Variants in ADD1 observed in about 807,000 individuals in gnomAD.
ADD1 encodes the protein alpha-adducin.
In ADD1, 24 loss-of-function variants were observed where a neutral mutation model predicts 80.5. The ratio of observed to expected loss-of-function variants is 0.30; its 90% confidence interval spans 0.22 to 0.42. The LOEUF is 0.42. Among genes scored for constraint, ADD1 ranks in the 10% least tolerant of loss-of-function variants. The pLI is 1.00. For synonymous variants in ADD1, 373 were observed against 393.8 expected, an observed-to-expected ratio of 0.95 and a Z score of 0.63; for missense variants, 948 against 1,019.0, an observed-to-expected ratio of 0.93 and a Z score of 0.95.
intron 1 of ADD1, among the ~76,000 whole-genome samples, chr4:2,845,373 C>T (rs539828792): frequency 2.6e-5 from 4 of 152,050 alleles, no homozygotes; most frequent in Non-Finnish European, 5.9e-5. Flanking sequence ...GCCTGGCCTA[C>T]GTTAAAATTT....
intron 1 of ADD1, among the ~76,000 whole-genome samples, chr4:2,856,673 C>CCT (rs1728124948): frequency 6.7e-6 from 1 of 148,438 alleles, no homozygotes; most frequent in African/African-American, 2.5e-5. Context: ...CTCACTGCAA[C>CCT]CTCCACCTCC....
intron 1 of ADD1, among the ~76,000 whole-genome samples, chr4:2,852,592 A>G (rs188013878): frequency 6.6e-6 from 1 of 151,456 alleles, no homozygotes; most frequent in Admixed American, 6.6e-5. Context: ...TACTTTGACA[A>G]CAGAATCACC....
At chr4:2,906,891 G>A (rs1019183445) in intron 10 of ADD1, among the ~76,000 whole-genome samples, 3 of 151,924 alleles carry the variant, frequency 2.0e-5, no homozygotes, top group East Asian at 1.9e-4. Flanking sequence ...ATTGCCTCTC[G>A]AAAGTATTCT....
intron 4 of ADD1, among the ~76,000 whole-genome samples, chr4:2,892,085 A>G (rs1734385010): frequency 6.6e-6 from 1 of 152,162 alleles, no homozygotes; most frequent in Admixed American, 6.6e-5. Flanking sequence ...TCTTTCCTGA[A>G]TGAATAAATG....
In ADD1 at chr4:2,882,050, C is replaced by G. The variant is rs758495974; in HGVS notation, c.348C>G (p.Ala116=). Residue 116 remains alanine (A), a synonymous_variant, in exon 3 of 16, where the codon GCC becomes GCG. Transcript: ENST00000683351. ...YPAAPQGGMA[A]LNMSLGMVTP... is the part of the protein sequence containing the mutation. Reference sequence around the variant, plus strand: ...CAGCTCCGCAAGGAGGGATGGCTGCCTTAAACATGAGTGAGTAGTTCCTGA... The same window carrying G: ...CAGCTCCGCAAGGAGGGATGGCTGCGTTAAACATGAGTGAGTAGTTCCTGA... 1 of 1,603,618 alleles carries G rather than the reference C, an allele frequency of 6.2e-7. No homozygotes were observed. The highest frequency in any genetic ancestry group is 8.5e-7 in the Non-Finnish European group (1 of 1,177,190).
At chr4:2,902,584 G>A (rs1160801363) in intron 9 of ADD1, 1 of 152,102 alleles carries the variant, frequency 6.6e-6, no homozygotes, top group East Asian at 1.9e-4. Context: ...ACAAAAATTA[G>A]CCAGGTGTGG....
intron 1 of ADD1, among the ~76,000 whole-genome samples, chr4:2,858,314 T>TA (rs1040393009): frequency 3.3e-5 from 5 of 152,238 alleles, no homozygotes; most frequent in African/African-American, 1.2e-4. Context: ...TACCTTGTGC[T>TA]AAACACTTGA....
chr4:2,909,085 T>A (rs1254055961), intron 12 of ADD1: 2 of 535,964 alleles, frequency 3.7e-6, no homozygotes, highest in African/African-American at 3.8e-5. Context: ...ATTGTGTAAG[T>A]AGTTATCTCT....
chr4:2,868,279 G>C (rs1425608524), intron 1 of ADD1: 1 of 152,244 alleles, frequency 6.6e-6, no homozygotes, highest in African/African-American at 2.4e-5. Flanking sequence ...GATTTCCTTT[G>C]CATTGGCTGG....
rs866317695 is a variant in ADD1, at chr4:2,904,788, C to T, written c.1186C>T (p.Arg396Ter). The T allele has an allele frequency of 1.2e-6, 2 of 1,614,110 alleles. No homozygotes were observed. The highest frequency in any genetic ancestry group is 1.7e-6 in the Non-Finnish European group (2 of 1,179,974). Reference protein sequence around the residue: ...NLGYRTGYPYRYPALREKSKK... With the variant: ...NLGYRTGYPY Reference sequence around the variant, plus strand: ...GGGCTACAGAACTGGCTACCCTTATCGATACCCTGCTCTGAGAGAGAAGTC... The same window carrying T: ...GGGCTACAGAACTGGCTACCCTTATTGATACCCTGCTCTGAGAGAGAAGTC... Residue 396 changes from arginine to a stop codon, truncating the protein, a stop_gained, in exon 10 of 16, where the codon CGA becomes TGA. Coordinates refer to ENST00000683351, the MANE Select transcript of ADD1 (RefSeq NM_001354761.2). LOFTEE classifies it high-confidence loss of function.
Position 2,907,855 on chromosome 4 carries a change from C to T in ADD1, c.1608+11C>T, listed in dbSNP as rs376153911. 1.2e-5 allele frequency: 20 copies of T among 1,608,678 alleles called. No individual in the cohort carries two copies. Among genetic ancestry groups the T allele is most frequent in the East Asian group, 2.2e-5 (1 of 44,852 alleles). On this transcript the variant is annotated intron_variant, in intron 11 of 15. Transcript: ENST00000683351. ...GAGATGAGGAACAAGGTGCGTCCTG[C>T]GTCGGCACTCAGCGGGGGCTTGGGT...
intron 1 of ADD1, among the ~76,000 whole-genome samples, chr4:2,850,494 T>G (rs531923347): frequency 6.6e-6 from 1 of 152,160 alleles, no homozygotes; most frequent in South Asian, 2.1e-4. Flanking sequence ...GGCACGATCT[T>G]GGCTCACTGC....
intron 4 of ADD1, among the ~76,000 whole-genome samples, chr4:2,892,857 A>G (rs1342215382): frequency 6.6e-6 from 1 of 151,856 alleles, no homozygotes; most frequent in Non-Finnish European, 1.5e-5. Context: ...AAAACAAAAA[A>G]AAAAACAGAT....
intron 8 of ADD1, 80 bp downstream of exon 8, chr4:2,898,611 T>G: frequency 8.1e-7 from 1 of 1,235,212 alleles, no homozygotes; most frequent in Non-Finnish European, 1.2e-6. Flanking sequence ...TTGATACTTA[T>G]CGAGTAGGAG....
At chr4:2,873,530 A>G (rs556102814) in intron 1 of ADD1, among the ~76,000 whole-genome samples, 6 of 152,356 alleles carry the variant, frequency 3.9e-5, no homozygotes, top group African/African-American at 9.6e-5. Flanking sequence ...TCACACAGCA[A>G]TTTGTAACTA....
chr4:2,898,619 G>A, intron 8 of ADD1, 88 bp downstream of exon 8: 2 of 1,131,780 alleles, frequency 1.8e-6, no homozygotes, highest in Non-Finnish European at 2.7e-6. Context: ...TATCGAGTAG[G>A]AGAGGAGTCT....
chr4:2,904,553 T>C, intron 9 of ADD1: 1 of 591,634 alleles, frequency 1.7e-6, no homozygotes, highest in Non-Finnish European at 3.0e-6. Context: ...CAATTGTGGT[T>C]TACGAGGAGT....
At chr4:2,850,165 A>G (rs1227571961) in intron 1 of ADD1, among the ~76,000 whole-genome samples, 1 of 152,270 alleles carries the variant, frequency 6.6e-6, no homozygotes, top group African/African-American at 2.4e-5. Context: ...CTGGTACAAC[A>G]TGGATGAACT....
intron 4 of ADD1, among the ~76,000 whole-genome samples, chr4:2,892,654 A>AC (rs1460455074): frequency 3.9e-5 from 6 of 151,902 alleles, no homozygotes; most frequent in African/African-American, 9.7e-5. Context: ...ACTTAGTGAG[A>AC]CCCCATCTCT....
Sources: gnomAD v4.1 joint callset for allele counts (sites outside exome capture counted in the v4.1 genomes callset) on GRCh38, gnomAD v4.1.1 for gene constraint, MANE v1.5 for transcripts, NCBI Gene and HGNC (gene_info 2026-07-23, HGNC 2026-07-21) for gene names.